Variants in WWC1 observed in about 807,000 individuals in gnomAD.
WWC1 encodes protein KIBRA.
A neutral mutation model predicts 138.4 loss-of-function variants in WWC1; 55 were observed. The ratio of observed to expected loss-of-function variants is 0.40; its 90% confidence interval spans 0.32 to 0.50. The LOEUF is 0.50. Among genes scored for constraint, WWC1 ranks in the 20% least tolerant of loss-of-function variants. The pLI is 0.72. For missense variants in WWC1, 1,226 were observed against 1,420.4 expected, an observed-to-expected ratio of 0.86 and a Z score of 2.20; for synonymous variants, 524 against 564.9, an observed-to-expected ratio of 0.93 and a Z score of 1.03.
chr5:168,339,931 CTTT>C (rs1561630684), intron 1 of WWC1, among the ~76,000 whole-genome samples: 1 of 141,812 alleles, frequency 7.1e-6, no homozygotes, highest in African/African-American at 2.8e-5. Context: ...CTCTTTCTCT[CTTT>C]CTCTCTCTCT....
intron 17 of WWC1, among the ~76,000 whole-genome samples, chr5:168,447,310 C>A (rs1582333245): frequency 6.6e-6 from 1 of 152,188 alleles, no homozygotes; most frequent in Admixed American, 6.5e-5. Context: ...ATATCTGTTA[C>A]TCCACAGGTC....
Position 168,368,464 on chromosome 5 carries a change from G to A in WWC1, c.120-2960G>A, listed in dbSNP as rs756822820. Among the ~76,000 whole-genome samples the A allele has an allele frequency of 3.3e-5, 5 of 152,170 alleles. No individual in the cohort carries two copies. In the East Asian group the frequency reaches 5.8e-4, roughly 18 times the overall value. ...ACAGGGGAGCTGTTGGGAAGGGGACGTATCTTCTTGGTTTTCTGGGTTGCA... is the reference window on the plus strand; with the variant it reads ...ACAGGGGAGCTGTTGGGAAGGGGACATATCTTCTTGGTTTTCTGGGTTGCA... On this transcript the variant is annotated intron_variant, in intron 1 of 22. Coordinates refer to ENST00000265293, the MANE Select transcript of WWC1 (RefSeq NM_015238.3).
intron 18 of WWC1, 148 bp from the exon 19 acceptor site, chr5:168,455,208 T>C (rs1002167615): frequency 1.4e-5 from 14 of 1,020,842 alleles, no homozygotes; most frequent in Middle Eastern, 2.9e-4. Context: ...GCTGAGCTCA[T>C]CTAGCAGGGC....
chr5:168,329,136 A>C (rs955047744), intron 1 of WWC1, among the ~76,000 whole-genome samples: 7 of 152,228 alleles, frequency 4.6e-5, no homozygotes, highest in Admixed American at 2.0e-4. Flanking sequence ...TATCTCAGTC[A>C]GGAAGAAAGT....
At chr5:168,339,911 CTCTCTCTCTCTCTT>C (rs1467553855) in intron 1 of WWC1, among the ~76,000 whole-genome samples, 3 of 137,362 alleles carry the variant, frequency 2.2e-5, no homozygotes, top group African/African-American at 9.3e-5. Flanking sequence ...CTCTCTTTCT[CTCTCTCTCTCTCTT>C]TCTCTCTTTC....
chr5:168,396,196 C>G (rs1778889025), intron 3 of WWC1, among the ~76,000 whole-genome samples: 1 of 152,148 alleles, frequency 6.6e-6, no homozygotes, highest in Non-Finnish European at 1.5e-5. Flanking sequence ...CCAGCCTGGT[C>G]AATATGGTGA....
chr5:168,400,427 G>T (rs1017338704), intron 5 of WWC1, among the ~76,000 whole-genome samples: 1 of 152,126 alleles, frequency 6.6e-6, no homozygotes. Flanking sequence ...GTGAGAACAC[G>T]CAGTAGCTTC....
At chr5:168,399,087 G>A (rs1263088894) in intron 4 of WWC1, among the ~76,000 whole-genome samples, 2 of 152,188 alleles carry the variant, frequency 1.3e-5, no homozygotes, top group Non-Finnish European at 2.9e-5. Flanking sequence ...CCAGCTTTAA[G>A]TGATCCATGG....
At chr5:168,382,393 C>T (rs1247598102) in intron 2 of WWC1, among the ~76,000 whole-genome samples, 1 of 152,218 alleles carries the variant, frequency 6.6e-6, no homozygotes, top group East Asian at 1.9e-4. Flanking sequence ...GATGGAAACT[C>T]TCTTATTTCA....
intron 3 of WWC1, among the ~76,000 whole-genome samples, chr5:168,392,645 A>AT (rs1433002395): frequency 2.0e-5 from 3 of 152,212 alleles, no homozygotes; most frequent in Non-Finnish European, 2.9e-5. Context: ...GTGAGCTATG[A>AT]TTGTGTACAT....
In WWC1 at chr5:168,292,422, C is replaced by A; in HGVS notation, c.119+151C>A. On this transcript the variant is annotated intron_variant, in intron 1 of 22. Transcript: ENST00000265293. This position sits in a 1 kb window ranked among gnomAD's most constrained non-coding sequence, Gnocchi z 4.4. Reference sequence around the variant, plus strand: ...TTCGCCACCCCCTGCTCCCCCCAACCTTCTGGAGCGCTGCTCCCGCCTCAG... The same window carrying A: ...TTCGCCACCCCCTGCTCCCCCCAACATTCTGGAGCGCTGCTCCCGCCTCAG... The A allele has an allele frequency of 1.1e-6, 1 of 941,392 alleles. No individual in the cohort carries two copies. The highest frequency in any genetic ancestry group is 1.5e-6 in the Non-Finnish European group (1 of 653,942). 58.3% of individuals were successfully genotyped at this position (941,392 alleles called of 1,614,324 possible).
rs1187529713 is a variant in WWC1, at chr5:168,471,976, T to C, written c.*2959T>C. 1 of 152,280 alleles carries C rather than the reference T, an allele frequency of 6.6e-6. No homozygotes were observed. The highest frequency in any genetic ancestry group is 1.9e-4 in the East Asian group (1 of 5,204). 9.4% of individuals were successfully genotyped at this position (152,280 alleles called of 1,614,324 possible). The stretch of plus-strand genomic sequence containing the variant: ...TATGGAATTCCTTCTCAGTGACACA[T>C]TCATCTGTGCTCAGTTGTCCCAGCA... On this transcript the variant is annotated 3_prime_UTR_variant, in exon 23 of 23. Coordinates refer to ENST00000265293, the MANE Select transcript of WWC1 (RefSeq NM_015238.3).
chr5:168,371,333 C>A, intron 1 of WWC1, 91 bp from the exon 2 acceptor site: 2 of 889,540 alleles, frequency 2.2e-6, no homozygotes, highest in Non-Finnish European at 3.6e-6. Context: ...GTTGAGCCAG[C>A]CCAGAAAAGC....
At chr5:168,467,638 C>A in intron 21 of WWC1, 1 of 706,984 alleles carries the variant, frequency 1.4e-6, no homozygotes, top group Non-Finnish European at 2.2e-6. Flanking sequence ...ACAGTTATTC[C>A]GTTTCCTGGC....
rs372805650 is a variant in WWC1, at chr5:168,444,497, G to T, written c.2437G>T (p.Ala813Ser). The change falls in exon 17 of 23, where the codon GCT becomes TCT. Residue 813 changes from alanine to serine, a missense_variant. Physicochemically the swap from Ala to Ser is moderately conservative, Grantham distance 99 (BLOSUM62 1). Around this residue, in one of 3 missense-constraint regions of WWC1, gnomAD observed 1,016 missense variants for 1,153.9 expected, o/e 0.88. Transcript: ENST00000265293. ...CCAGCAACCTTTGTCTCTATAGGACGCTGTGTCTGCTCTGTTGGAACAGAC... is the reference window on the plus strand; with the variant it reads ...CCAGCAACCTTTGTCTCTATAGGACTCTGTGTCTGCTCTGTTGGAACAGAC... ...APASGPASTDAVSALLEQTAV... is the reference protein window; with the variant it reads ...APASGPASTDSVSALLEQTAV... 464 of 1,574,092 alleles carry T rather than the reference G, an allele frequency of 2.9e-4. No homozygotes were observed. The highest frequency in any genetic ancestry group is 3.9e-4 in the Non-Finnish European group (450 of 1,158,298).
chr5:168,383,409 G>A lies in WWC1; in HGVS notation c.230-1802G>A, dbSNP rs189716871. ...AACAGCCTTTCTGTTGTAACACAGC[G>A]ATTATTGGCAGGAATGAGAACTTGG... On this transcript the variant is annotated intron_variant, in intron 2 of 22. Transcript: ENST00000265293. Among the ~76,000 whole-genome samples the A allele has an allele frequency of 6.7e-4, 102 of 152,236 alleles. 2 individuals are homozygous for A. Among genetic ancestry groups the A allele is most frequent in the Admixed American group, 2.2e-3 (34 of 15,292 alleles).
chr5:168,311,368 C>T (rs1190144044), intron 1 of WWC1, among the ~76,000 whole-genome samples: 1 of 152,180 alleles, frequency 6.6e-6, no homozygotes, highest in Non-Finnish European at 1.5e-5. Context: ...TGCTGCTGGG[C>T]AGGTGCGGGC....
At chr5:168,447,433 C>T (rs766232284) in intron 17 of WWC1, among the ~76,000 whole-genome samples, 4 of 152,204 alleles carry the variant, frequency 2.6e-5, no homozygotes, top group South Asian at 2.1e-4. Flanking sequence ...CAGCCGTAGA[C>T]AGTATGTAAA....
chr5:168,355,331 T>G (rs1326081826), intron 1 of WWC1, among the ~76,000 whole-genome samples: 2 of 151,706 alleles, frequency 1.3e-5, no homozygotes, highest in Admixed American at 1.3e-4. Context: ...TCGTCTCCAC[T>G]AAAACTACAA....
Sources: gnomAD v4.1 joint callset for allele counts (sites outside exome capture counted in the v4.1 genomes callset) on GRCh38, gnomAD v4.1.1 for gene constraint, gnomAD v4.1.1 regional missense constraint, Gnocchi (gnomAD v3.1) non-coding constraint, MANE v1.5 for transcripts, NCBI Gene and HGNC (gene_info 2026-07-23, HGNC 2026-07-21) for gene names.